Variants in SUCLG2 observed in about 807,000 individuals in gnomAD.
SUCLG2 encodes the protein succinate--CoA ligase [GDP-forming] subunit beta, mitochondrial.
In SUCLG2, 42 loss-of-function variants were observed where a neutral mutation model predicts 47.9. That is an observed-to-expected ratio of 0.88 (90% CI 0.69 to 1.14). The LOEUF is 1.14. Among genes scored for constraint, SUCLG2 ranks in the 50% most tolerant of loss-of-function variants. The pLI, the probability that SUCLG2 is intolerant of heterozygous loss-of-function variation, is 0.00. For missense variants in SUCLG2, 571 were observed against 525.9 expected (o/e 1.09, Z -0.84); for synonymous variants, 195 against 197.3 (o/e 0.99, Z 0.10).
rs369117715 is a variant in SUCLG2, at chr3:67,575,296, A to G, written c.226+34159T>C. The stretch of plus-strand genomic sequence containing the variant: ...AATAGCCTCAAAGTGCAAACAATCT[A>G]AATGTCCACCAACTGGTGAACAGAT... On this transcript the variant is annotated intron_variant, in intron 2 of 10. Transcript: ENST00000307227. 3.9e-5 allele frequency among the ~76,000 whole-genome samples: 6 copies of G among 152,356 alleles called. No individual in the cohort carries two copies. In the East Asian group the frequency reaches 1.2e-3, roughly 29 times the overall value.
chr3:67,427,570 T>G (rs893851640), intron 9 of SUCLG2, among the ~76,000 whole-genome samples: 6 of 152,130 alleles, frequency 3.9e-5, no homozygotes, highest in Non-Finnish European at 7.3e-5. Flanking sequence ...AGAAGGGTGA[T>G]TTCTCCATTT....
At chr3:67,374,182 T>C (rs11924938), downstream of SUCLG2, among the ~76,000 whole-genome samples, 2 of 152,208 alleles carry the variant, frequency 1.3e-5, no homozygotes, top group Non-Finnish European at 2.9e-5. Context: ...GAAGACATTG[T>C]TAATATTCTT....
intron 1 of SUCLG2, among the ~76,000 whole-genome samples, chr3:67,624,462 T>A (rs916800228): frequency 2.0e-5 from 3 of 152,184 alleles, no homozygotes; most frequent in African/African-American, 7.2e-5. Flanking sequence ...AAGAAAAATA[T>A]AACATTGCAG....
intron 1 of SUCLG2, among the ~76,000 whole-genome samples, chr3:67,634,386 T>C (rs1700974616): frequency 1.3e-5 from 2 of 152,158 alleles, no homozygotes; most frequent in South Asian, 4.1e-4. Context: ...CCACTCTCAA[T>C]TTGTAAAATT....
At chr3:67,541,871 TC>T (rs1325116117) in intron 2 of SUCLG2, among the ~76,000 whole-genome samples, 4 of 151,556 alleles carry the variant, frequency 2.6e-5, no homozygotes, top group Non-Finnish European at 4.4e-5. Flanking sequence ...ACATTCTTTT[TC>T]TTTTTTTTTT....
intron 1 of SUCLG2, among the ~76,000 whole-genome samples, chr3:67,642,191 A>G (rs1701113314): frequency 6.6e-6 from 1 of 152,190 alleles, no homozygotes; most frequent in Non-Finnish European, 1.5e-5. Flanking sequence ...AATTCCACCC[A>G]TTATCAGGCA....
chr3:67,445,874 T>A (rs1703915233), intron 9 of SUCLG2, among the ~76,000 whole-genome samples: 1 of 60,736 alleles, frequency 1.6e-5, no homozygotes, highest in Non-Finnish European at 3.6e-5. Flanking sequence ...GGTGATTTCT[T>A]AGTATAGCAG....
rs1231693327 is a variant in SUCLG2 at position 67,428,584 on chromosome 3, T to C, written c.1063-27733A>G. ...CTCCTCGCCAGCAATGGAACAAAGC[T>C]GAACAGAGAATGACTTTGACGACTT... is the stretch of plus-strand genomic sequence containing the variant. On this transcript the variant is annotated intron_variant, in intron 9 of 10. Transcript: ENST00000307227. 2.0e-5 allele frequency among the ~76,000 whole-genome samples: 3 copies of C among 152,168 alleles called. No individual in the cohort carries two copies. The East Asian group carries it at 5.8e-4, about 29-fold the overall frequency.
chr3:67,639,709 A>G (rs569505537), intron 1 of SUCLG2, among the ~76,000 whole-genome samples: 1 of 152,278 alleles, frequency 6.6e-6, no homozygotes, highest in South Asian at 2.1e-4. Context: ...TTTGGGATTC[A>G]GTTTAATAAC....
intron 9 of SUCLG2, among the ~76,000 whole-genome samples, chr3:67,440,409 G>T (rs1203677114): frequency 6.6e-6 from 1 of 152,130 alleles, no homozygotes; most frequent in Non-Finnish European, 1.5e-5. Context: ...AGAGCTTTCT[G>T]CACAGAAAAA....
intron 9 of SUCLG2, among the ~76,000 whole-genome samples, chr3:67,491,653 C>T (rs1408780936): frequency 1.3e-5 from 2 of 152,172 alleles, no homozygotes; most frequent in Non-Finnish European, 2.9e-5. Context: ...CCACCGCATC[C>T]AGCCATGTTC....
chr3:67,574,502 A>G (rs1009622082), intron 2 of SUCLG2, among the ~76,000 whole-genome samples: 4 of 152,246 alleles, frequency 2.6e-5, no homozygotes, highest in African/African-American at 9.6e-5. Flanking sequence ...AAAATGGTAG[A>G]GACAATAGCA....
intron 9 of SUCLG2, among the ~76,000 whole-genome samples, chr3:67,494,481 C>T (rs1705280515): frequency 6.6e-6 from 1 of 151,984 alleles, no homozygotes; most frequent in Non-Finnish European, 1.5e-5. Context: ...AAAAAATTGG[C>T]CAGGCATGGT....
At chr3:67,397,639 T>C (rs866471281) in intron 10 of SUCLG2, among the ~76,000 whole-genome samples, 1 of 152,068 alleles carries the variant, frequency 6.6e-6, no homozygotes, top group Non-Finnish European at 1.5e-5. Context: ...AAGCTACCAA[T>C]GACTTTCTTC....
intron 1 of SUCLG2, among the ~76,000 whole-genome samples, chr3:67,621,726 G>A (rs1246252295): frequency 6.6e-6 from 1 of 152,138 alleles, no homozygotes; most frequent in African/African-American, 2.4e-5. Context: ...ATCCCTTGGG[G>A]ACTATGCAGA....
chr3:67,460,926 T>C (rs1704316220), intron 9 of SUCLG2, among the ~76,000 whole-genome samples: 1 of 152,036 alleles, frequency 6.6e-6, no homozygotes, highest in Admixed American at 6.5e-5. Context: ...TGATAAGATA[T>C]AAAGAAGGGG....
At chr3:67,591,017 T>C (rs1324821795) in intron 2 of SUCLG2, among the ~76,000 whole-genome samples, 2 of 152,198 alleles carry the variant, frequency 1.3e-5, no homozygotes, top group African/African-American at 2.4e-5. Context: ...TCATCTCCTA[T>C]TTAGTCTATT....
At chr3:67,469,324 C>G (rs1171436792) in intron 9 of SUCLG2, among the ~76,000 whole-genome samples, 1 of 152,176 alleles carries the variant, frequency 6.6e-6, no homozygotes, top group Non-Finnish European at 1.5e-5. Flanking sequence ...AGTGGGGAAC[C>G]TAACTGGACA....
At chr3:67,625,491 A>G (rs1352611009) in intron 1 of SUCLG2, among the ~76,000 whole-genome samples, 5 of 152,194 alleles carry the variant, frequency 3.3e-5, no homozygotes, top group Non-Finnish European at 7.3e-5. Flanking sequence ...CCAGCATCTA[A>G]TTAGCTACCC....
Sources: allele counts gnomAD v4.1 joint callset (sites outside exome capture counted in the v4.1 genomes callset), GRCh38; gene constraint gnomAD v4.1.1; transcripts MANE v1.5; gene names NCBI Gene and HGNC (gene_info 2026-07-23, HGNC 2026-07-21).